The following HS3ST4 variants were observed in gnomAD, a reference collection of about 807,000 sequenced individuals.
HS3ST4 encodes heparan sulfate glucosamine 3-O-sulfotransferase 4.
HS3ST4 carries 17 observed loss-of-function variants against 29.2 expected under a neutral mutation model. That is an observed-to-expected ratio of 0.58 (90% CI 0.40 to 0.87). The LOEUF (loss-of-function observed/expected upper bound fraction) is 0.87. Among genes scored for constraint, HS3ST4 ranks in the 40% least tolerant of loss-of-function variants. The pLI is 0.00. For synonymous variants in HS3ST4, 314 were observed against 285.7 expected (o/e 1.10, Z -1.00); for missense variants, 627 against 634.5 (o/e 0.99, Z 0.13).
Position 25,762,362 on chromosome 16 carries a change from G to A in HS3ST4, c.734+69211G>A, listed in dbSNP as rs115379716. On this transcript the variant is annotated intron_variant, in intron 1 of 1. Coordinates refer to ENST00000331351, the MANE Select transcript of HS3ST4 (RefSeq NM_006040.3). The stretch of plus-strand genomic sequence containing the variant: ...TCAAAGTACTTTTTTGGAATTTCTC[G>A]CTGGAGAAGGGGTGTGGGTGATGGG... 3.3e-3 allele frequency among the ~76,000 whole-genome samples: 498 copies of A among 152,192 alleles called. 3 individuals carry two copies. Among genetic ancestry groups the A allele is most frequent in the African/African-American group, 0.011 (476 of 41,490 alleles).
intron 1 of HS3ST4, among the ~76,000 whole-genome samples, chr16:26,108,338 G>C (rs531726914): frequency 6.6e-6 from 1 of 152,230 alleles, no homozygotes; most frequent in South Asian, 2.1e-4. Context: ...AACTCTTCTT[G>C]CTAAGATGGG....
intron 1 of HS3ST4, among the ~76,000 whole-genome samples, chr16:25,976,157 A>T (rs953474173): frequency 3.3e-5 from 5 of 152,176 alleles, no homozygotes; most frequent in African/African-American, 1.2e-4. Context: ...GTCCAGTATT[A>T]ATTAGGTTAA....
intron 1 of HS3ST4, among the ~76,000 whole-genome samples, chr16:25,724,112 C>CAAAAAAAAAAA (rs56115380): frequency 1.3e-5 from 1 of 77,264 alleles, no homozygotes; most frequent in African/African-American, 4.9e-5. Flanking sequence ...GACTCCATCT[C>CAAAAAAAAAAA]AAAAAAAAAA....
intron 1 of HS3ST4, among the ~76,000 whole-genome samples, chr16:26,042,497 T>A (rs897555664): frequency 2.0e-5 from 3 of 152,232 alleles, no homozygotes; most frequent in African/African-American, 7.2e-5. Context: ...TTCTCTGTTG[T>A]CCACATCTAA....
chr16:25,738,884 C>A (rs1966631378), intron 1 of HS3ST4, among the ~76,000 whole-genome samples: 1 of 152,168 alleles, frequency 6.6e-6, no homozygotes. Flanking sequence ...ATGCTTCCAG[C>A]TTTGTTCTTG....
chr16:26,059,798 G>A (rs1898453985), intron 1 of HS3ST4, among the ~76,000 whole-genome samples: 1 of 151,684 alleles, frequency 6.6e-6, no homozygotes, highest in Non-Finnish European at 1.5e-5. Flanking sequence ...TTTTTTTTGA[G>A]ATGGAGTCTT....
At chr16:26,129,180 C>A (rs183631533) in intron 1 of HS3ST4, among the ~76,000 whole-genome samples, 1 of 152,208 alleles carries the variant, frequency 6.6e-6, no homozygotes, top group East Asian at 1.9e-4. Context: ...GTAGCTTGAT[C>A]TGGCAAGAAT....
At chr16:25,810,653 C>T (rs1967033648) in intron 1 of HS3ST4, among the ~76,000 whole-genome samples, 1 of 152,280 alleles carries the variant, frequency 6.6e-6, no homozygotes, top group Middle Eastern at 3.4e-3. Flanking sequence ...TTCTTTTACT[C>T]ATTTTTATAT....
chr16:26,117,728 T>C (rs1353728769), intron 1 of HS3ST4, among the ~76,000 whole-genome samples: 1 of 152,186 alleles, frequency 6.6e-6, no homozygotes, highest in Admixed American at 6.5e-5. Context: ...CCTCTTTGGG[T>C]GTACAAAGTG....
chr16:25,692,502 G>A lies in HS3ST4; in HGVS notation c.85G>A (p.Gly29Arg). The change falls in exon 1 of 2, where the codon GGG becomes AGG. Residue 29 changes from glycine to arginine, a missense_variant. Around this residue, in one of 2 missense-constraint regions of HS3ST4, gnomAD observed 402 missense variants for 340.8 expected, o/e 1.18. Transcript: ENST00000331351. ...GCCGCCGCCCGGCGCCTCTGCTAAG[G>A]GGCCGCCGGCGCGCAAGCTGCTTTT... ...APPPPGASAK[G>R]PPARKLLFMC... 7.1e-7 allele frequency: 1 copy of A among 1,411,628 alleles called. No individual in the cohort carries two copies. The allele number at this position is 1,411,628 out of a possible 1,614,324, so 87.4% of individuals were successfully genotyped here.
intron 1 of HS3ST4, among the ~76,000 whole-genome samples, chr16:25,874,709 G>A (rs750870950): frequency 2.7e-4 from 41 of 152,138 alleles, no homozygotes; most frequent in Non-Finnish European, 5.3e-4. Context: ...TTCATAGATT[G>A]TTCCAAGTAG....
At chr16:26,005,427 T>G (rs914415196) in intron 1 of HS3ST4, among the ~76,000 whole-genome samples, 3 of 152,166 alleles carry the variant, frequency 2.0e-5, no homozygotes, top group African/African-American at 7.2e-5. Flanking sequence ...TTAATTGGTT[T>G]GTGTTTAGCA....
At chr16:25,942,791 T>TA (rs57006125) in intron 1 of HS3ST4, among the ~76,000 whole-genome samples, 3 of 151,916 alleles carry the variant, frequency 2.0e-5, no homozygotes, top group African/African-American at 7.3e-5. Context: ...GCTAATTTTT[T>TA]AAAAACTTTC....
At chr16:25,757,047 TTAAA>T (rs1261017410) in intron 1 of HS3ST4, among the ~76,000 whole-genome samples, 4 of 152,190 alleles carry the variant, frequency 2.6e-5, no homozygotes, top group Non-Finnish European at 5.9e-5. Context: ...ATGTTTATAG[TTAAA>T]TAAACTCAGT....
rs570432247 is a variant in HS3ST4 at position 25,981,341 on chromosome 16, A to G, written c.735-154271A>G. ...GACAAGAGCAAAACTCCGTCTAAAA[A>G]AAAAAAAGAAGGTAGGTAGTTCAGG... On this transcript the variant is annotated intron_variant, in intron 1 of 1. Coordinates refer to ENST00000331351, the MANE Select transcript of HS3ST4 (RefSeq NM_006040.3). 1.7e-3 allele frequency among the ~76,000 whole-genome samples: 256 copies of G among 152,270 alleles called. 1 individual carries two copies. The highest frequency in any genetic ancestry group is 0.01 in the Middle Eastern group (3 of 294).
intron 1 of HS3ST4, among the ~76,000 whole-genome samples, chr16:25,990,141 T>C (rs1969101770): frequency 6.6e-6 from 1 of 152,242 alleles, no homozygotes; most frequent in Admixed American, 6.5e-5. Flanking sequence ...ATCTTCTGAA[T>C]GTATCACATT....
intron 1 of HS3ST4, among the ~76,000 whole-genome samples, chr16:25,874,396 G>A (rs1453607208): frequency 6.6e-6 from 1 of 152,108 alleles, no homozygotes; most frequent in Non-Finnish European, 1.5e-5. Context: ...GTAAAGGGTT[G>A]GAGCCAGGCT....
intron 1 of HS3ST4, among the ~76,000 whole-genome samples, chr16:25,707,381 G>C (rs1966382632): frequency 1.3e-5 from 2 of 152,032 alleles, no homozygotes; most frequent in Admixed American, 6.6e-5. Flanking sequence ...ATCTCTTACT[G>C]TACCTAATTT....
chr16:25,990,182 A>C (rs1407958362), intron 1 of HS3ST4, among the ~76,000 whole-genome samples: 1 of 152,240 alleles, frequency 6.6e-6, no homozygotes, highest in Non-Finnish European at 1.5e-5. Flanking sequence ...CGTTGCTTCC[A>C]AATTTTGGCA....
Sources: gnomAD v4.1 joint callset for allele counts (sites outside exome capture counted in the v4.1 genomes callset) on GRCh38, gnomAD v4.1.1 for gene constraint, gnomAD v4.1.1 regional missense constraint, MANE v1.5 for transcripts, NCBI Gene and HGNC (gene_info 2026-07-23, HGNC 2026-07-21) for gene names.